RNF180: variants seen among roughly 807,000 people sequenced by gnomAD.
RNF180 encodes the protein ring finger protein 180, also known as E3 ubiquitin-protein ligase RNF180.
RNF180 carries 38 observed loss-of-function variants against 59.2 expected under a neutral mutation model. The observed-to-expected ratio is 0.64, with a 90% CI of 0.50 to 0.84. The LOEUF (loss-of-function observed/expected upper bound fraction) is 0.84, where lower values mean the gene tolerates loss of function less well. Ranked by LOEUF, RNF180 falls within the 40% of genes least tolerant of loss-of-function variation. The pLI, the probability that RNF180 is intolerant of heterozygous loss-of-function variation, is 0.00. For missense variants in RNF180, 705 were observed against 700.9 expected (o/e 1.01, Z -0.07); for synonymous variants, 262 against 240.3 (o/e 1.09, Z -0.84).
chr5:64,177,565 A>ATT lies in RNF180; in HGVS notation c.-1+11613_-1+11614insTT, dbSNP rs1184255289. ...TATATATATATATATATATATATAT[A>ATT]TGTATTTATTTCTTTCCTGAGTCAT... is the stretch of plus-strand genomic sequence containing the variant. On this transcript the variant is annotated intron_variant, in intron 1 of 7. Transcript: ENST00000389100. 2.3e-5 allele frequency among the ~76,000 whole-genome samples: 3 copies of ATT among 128,058 alleles called. No individual in the cohort carries two copies. The East Asian group carries it at 6.8e-4, about 29-fold the overall frequency. 84.0% of individuals were successfully genotyped at this position (128,058 alleles called of 152,430 possible). A position where few individuals can be genotyped will look rare whatever the true frequency, so the allele number is the denominator to read the frequency against.
chr5:64,325,689 A>G (rs1744602707), intron 6 of RNF180, among the ~76,000 whole-genome samples: 2 of 152,302 alleles, frequency 1.3e-5, no homozygotes, highest in African/African-American at 4.8e-5. Context: ...AGGAAGTTCC[A>G]TTTGAAGCAG....
At chr5:64,232,551 T>G (rs1742160078) in intron 5 of RNF180, among the ~76,000 whole-genome samples, 1 of 152,200 alleles carries the variant, frequency 6.6e-6, no homozygotes, top group South Asian at 2.1e-4. Context: ...GTTCAAAAGT[T>G]TAGGAGAATA....
chr5:64,179,254 A>G (rs577185571), intron 1 of RNF180, among the ~76,000 whole-genome samples: 179 of 152,294 alleles, frequency 1.2e-3, no homozygotes, highest in South Asian at 6.8e-3. Flanking sequence ...AGAGAATAAT[A>G]TACTGAACAT....
intron 5 of RNF180, among the ~76,000 whole-genome samples, chr5:64,293,568 A>T (rs921948162): frequency 3.3e-5 from 5 of 152,046 alleles, no homozygotes; most frequent in African/African-American, 1.2e-4. Flanking sequence ...TCTGAGAGGA[A>T]AATTCTTAAT....
At chr5:64,259,138 T>C (rs947024634) in intron 5 of RNF180, among the ~76,000 whole-genome samples, 7 of 152,162 alleles carry the variant, frequency 4.6e-5, no homozygotes, top group Admixed American at 6.6e-5. Context: ...CCACCTCCTT[T>C]CTCTTGAGGA....
chr5:64,245,955 A>G (rs1420981685), intron 5 of RNF180, among the ~76,000 whole-genome samples: 1 of 151,836 alleles, frequency 6.6e-6, no homozygotes, highest in Non-Finnish European at 1.5e-5. Flanking sequence ...AACTCAAGAA[A>G]CTCACTCAAA....
At chr5:64,318,921 A>T (rs1744200045) in intron 5 of RNF180, among the ~76,000 whole-genome samples, 1 of 152,176 alleles carries the variant, frequency 6.6e-6, no homozygotes. Context: ...ATCAATTAGG[A>T]TGCATGACAT....
chr5:64,221,101 A>AGGAGC (rs1741304045), intron 5 of RNF180, among the ~76,000 whole-genome samples: 4 of 152,072 alleles, frequency 2.6e-5, no homozygotes, highest in African/African-American at 9.6e-5. Context: ...AGCCCATTTA[A>AGGAGC]TATTTCATCT....
intron 5 of RNF180, among the ~76,000 whole-genome samples, chr5:64,276,116 G>T (rs1468817923): frequency 6.6e-6 from 1 of 152,084 alleles, no homozygotes; most frequent in South Asian, 2.1e-4. Flanking sequence ...ATGGGGAAAA[G>T]AGGAGCAGGA....
chr5:64,233,449 A>T (rs1043051615), intron 5 of RNF180, among the ~76,000 whole-genome samples: 2 of 152,216 alleles, frequency 1.3e-5, no homozygotes, highest in Admixed American at 6.5e-5. Context: ...AAAATTAACG[A>T]GAAATTAATT....
chr5:64,257,187 C>A (rs1744022168), intron 5 of RNF180, among the ~76,000 whole-genome samples: 1 of 152,026 alleles, frequency 6.6e-6, no homozygotes, highest in Non-Finnish European at 1.5e-5. Context: ...AATTGAATAC[C>A]CTTTATGTAT....
rs1017529160 is a variant in RNF180, at chr5:64,371,644, A to G, written c.*1830A>G. 6.6e-6 allele frequency: 1 copy of G among 151,662 alleles called. No homozygotes were observed. Among genetic ancestry groups the G allele is most frequent in the African/African-American group, 2.4e-5 (1 of 41,406 alleles). 9.4% of individuals were successfully genotyped at this position (151,662 alleles called of 1,614,324 possible). A position where few individuals can be genotyped will look rare whatever the true frequency, so the allele number is the denominator to read the frequency against. ...AATAAACATGAACCTTTAAATGAAGAAAGCATAATCTGGAAAAGCATTCAA... is the reference window on the plus strand; with the variant it reads ...AATAAACATGAACCTTTAAATGAAGGAAGCATAATCTGGAAAAGCATTCAA... On this transcript the variant is annotated 3_prime_UTR_variant, in exon 8 of 8. Transcript: ENST00000389100.
At chr5:64,180,552 A>G (rs1444793965) in intron 1 of RNF180, among the ~76,000 whole-genome samples, 1 of 152,178 alleles carries the variant, frequency 6.6e-6, no homozygotes, top group Non-Finnish European at 1.5e-5. Flanking sequence ...CAAAACCAAA[A>G]CTTAAAAACT....
At chr5:64,293,003 C>G (rs573793288) in intron 5 of RNF180, among the ~76,000 whole-genome samples, 1 of 152,324 alleles carries the variant, frequency 6.6e-6, no homozygotes, top group South Asian at 2.1e-4. Context: ...CAGAGTCCAC[C>G]TAACCACAGA....
chr5:64,349,560 C>A (rs1487233951), intron 7 of RNF180, among the ~76,000 whole-genome samples: 1 of 151,946 alleles, frequency 6.6e-6, no homozygotes, highest in Non-Finnish European at 1.5e-5. Context: ...AGGTATATCT[C>A]CTAATATGCT....
chr5:64,205,548 A>G (rs1275539845), intron 2 of RNF180, among the ~76,000 whole-genome samples: 1 of 152,202 alleles, frequency 6.6e-6, no homozygotes, highest in Non-Finnish European at 1.5e-5. Flanking sequence ...GGTTTTGGAC[A>G]TGTGAAGTTT....
chr5:64,173,953 A>T (rs1750089107), intron 1 of RNF180, among the ~76,000 whole-genome samples: 1 of 152,010 alleles, frequency 6.6e-6, no homozygotes, highest in Non-Finnish European at 1.5e-5. Context: ...TGACCTCGTG[A>T]TCCACCTGCC....
At chr5:64,352,571 A>G (rs928323150) in intron 7 of RNF180, among the ~76,000 whole-genome samples, 2 of 151,768 alleles carry the variant, frequency 1.3e-5, no homozygotes, top group Admixed American at 6.6e-5. Context: ...ACACTGCTTT[A>G]AATGTGTCCC....
chr5:64,193,530 G>A lies in RNF180; in HGVS notation c.1-7278G>A, dbSNP rs560181583. Among the ~76,000 whole-genome samples, 53 of 152,226 alleles carry A rather than the reference G, an allele frequency of 3.5e-4. 1 individual carries two copies. The highest frequency in any genetic ancestry group is 3.5e-3 in the Admixed American group (53 of 15,292). On this transcript the variant is annotated intron_variant, in intron 1 of 7. Transcript: ENST00000389100. ...ATCACAAAGTTATCTGTTTTGAGAG[G>A]TTCTCAGCATTACATTAGATCTTTC...
Sources: allele counts gnomAD v4.1 joint callset (sites outside exome capture counted in the v4.1 genomes callset), GRCh38; gene constraint gnomAD v4.1.1; transcripts MANE v1.5; gene names NCBI Gene and HGNC (gene_info 2026-07-23, HGNC 2026-07-21).